KIAA0825: variants seen among roughly 807,000 people sequenced by gnomAD.
KIAA0825 encodes the protein KIAA0825.
A neutral mutation model predicts 147.6 loss-of-function variants in KIAA0825; 119 were observed. That is an observed-to-expected ratio of 0.81 (90% CI 0.69 to 0.94). The LOEUF (loss-of-function observed/expected upper bound fraction) is 0.94. KIAA0825 is among the 40% of genes least tolerant of loss of function. The pLI is 0.00. For missense variants in KIAA0825, 1,381 were observed against 1,472.7 expected (o/e 0.94, Z 1.02); for synonymous variants, 470 against 518.1 (o/e 0.91, Z 1.26).
At chr5:94,541,006 T>A (rs911827172) in intron 2 of KIAA0825, among the ~76,000 whole-genome samples, 1 of 152,204 alleles carries the variant, frequency 6.6e-6, no homozygotes, top group Non-Finnish European at 1.5e-5. Context: ...AAAAGAGAGA[T>A]GTTTAGGACA....
Position 94,477,122 on chromosome 5 carries a change from G to C in KIAA0825, c.1216C>G (p.Pro406Ala). ...TTTCCTTCACTTACCTCTTTTCCTG[G>C]TAGTGATTGCTCGGAAGGAATATTG... ...ETNIPSEQSL[P>A]GKEATLLDFG... Residue 406 changes from proline to alanine, a missense_variant, in exon 7 of 21, where the codon CCA (proline) becomes GCA (alanine). By Grantham distance (27) the Pro-to-Ala change is conservative. Coordinates refer to ENST00000682413, the MANE Select transcript of KIAA0825 (RefSeq NM_001145678.3). The C allele has an allele frequency of 6.5e-7, 1 of 1,549,536 alleles. No individual in the cohort carries two copies. The highest frequency in any genetic ancestry group is 8.7e-7 in the Non-Finnish European group (1 of 1,145,918).
chr5:94,268,083 AC>A (rs1776811950), intron 20 of KIAA0825, among the ~76,000 whole-genome samples: 1 of 152,162 alleles, frequency 6.6e-6, no homozygotes, highest in East Asian at 1.9e-4. Flanking sequence ...TGAAAAAAAA[AC>A]AGAAGCAAGA....
intron 20 of KIAA0825, among the ~76,000 whole-genome samples, chr5:94,346,817 G>C (rs984795298): frequency 6.6e-5 from 10 of 152,188 alleles, no homozygotes; most frequent in African/African-American, 2.4e-4. Context: ...CTCCTGGCCA[G>C]AACTTGGGGG....
chr5:94,583,310 C>T (rs1190696163), intron 1 of KIAA0825, among the ~76,000 whole-genome samples: 1 of 152,346 alleles, frequency 6.6e-6, no homozygotes, highest in African/African-American at 2.4e-5. Flanking sequence ...CCAAATACTG[C>T]ACTCTTCCCA....
intron 1 of KIAA0825, among the ~76,000 whole-genome samples, chr5:94,606,997 T>C (rs894257861): frequency 7.2e-5 from 11 of 152,174 alleles, no homozygotes; most frequent in African/African-American, 2.4e-4. Context: ...AAGCCATTCA[T>C]GAGGGACCTG....
At chr5:94,579,740 C>T (rs1023101125) in intron 2 of KIAA0825, among the ~76,000 whole-genome samples, 3 of 152,144 alleles carry the variant, frequency 2.0e-5, no homozygotes, top group African/African-American at 7.2e-5. Flanking sequence ...ATTTGAATAG[C>T]TTCCTCTGAA....
chr5:94,409,228 G>C (rs1436069516), intron 15 of KIAA0825, among the ~76,000 whole-genome samples: 1 of 152,122 alleles, frequency 6.6e-6, no homozygotes, highest in Non-Finnish European at 1.5e-5. Flanking sequence ...TTATAACTTT[G>C]AGGAAGAACT....
intron 20 of KIAA0825, among the ~76,000 whole-genome samples, chr5:94,270,317 A>G (rs1468145803): frequency 6.6e-6 from 1 of 152,142 alleles, no homozygotes; most frequent in Non-Finnish European, 1.5e-5. Context: ...CATTTTCAAT[A>G]AAAGTGCTAA....
At chr5:94,407,348 A>G (rs1028923210) in intron 15 of KIAA0825, among the ~76,000 whole-genome samples, 4 of 152,222 alleles carry the variant, frequency 2.6e-5, no homozygotes, top group African/African-American at 9.6e-5. Context: ...TCCTAGTTAT[A>G]TATCCAGAAG....
At chr5:94,587,608 T>C (rs1363064529) in intron 1 of KIAA0825, among the ~76,000 whole-genome samples, 1 of 152,072 alleles carries the variant, frequency 6.6e-6, no homozygotes, top group Non-Finnish European at 1.5e-5. Flanking sequence ...ATCGTGAAAA[T>C]GGCCATACTC....
chr5:94,354,260 G>A (rs1784012134), intron 20 of KIAA0825, among the ~76,000 whole-genome samples: 1 of 152,070 alleles, frequency 6.6e-6, no homozygotes, highest in Admixed American at 6.5e-5. Flanking sequence ...ACCATTAAGT[G>A]GGCCACAGAT....
At chr5:94,500,710 T>C (rs868700501) in intron 5 of KIAA0825, among the ~76,000 whole-genome samples, 1 of 152,180 alleles carries the variant, frequency 6.6e-6, no homozygotes, top group Non-Finnish European at 1.5e-5. Flanking sequence ...ACAGTGACTG[T>C]TGGAATCATC....
intron 20 of KIAA0825, among the ~76,000 whole-genome samples, chr5:94,346,488 A>G (rs981688036): frequency 4.6e-5 from 7 of 152,158 alleles, no homozygotes; most frequent in African/African-American, 1.4e-4. Context: ...GACATCCCCA[A>G]AACTGTGAGT....
chr5:94,471,645 T>C lies in KIAA0825; in HGVS notation c.1542A>G (p.Ala514=). 1 of 1,552,138 alleles carries C rather than the reference T, an allele frequency of 6.4e-7. No individual in the cohort carries two copies. Among genetic ancestry groups the C allele is most frequent in the Admixed American group, 2.0e-5 (1 of 51,008 alleles). The part of the protein sequence containing the change: ...CRDDSFQEIR[A]NLVEACCKVA... ...CTTTACAACAGGCCTCCACCAAGTT[T>C]GCTCTAATTTCCTGAAAAGAATCAT... The change falls in exon 9 of 21, where the codon GCA becomes GCG. Residue 514 remains alanine, a synonymous_variant. Coordinates refer to ENST00000682413, the MANE Select transcript of KIAA0825 (RefSeq NM_001145678.3).
chr5:94,408,990 T>C (rs980738657), intron 15 of KIAA0825, among the ~76,000 whole-genome samples: 1 of 152,178 alleles, frequency 6.6e-6, no homozygotes, highest in Non-Finnish European at 1.5e-5. Context: ...AAATAAGTTA[T>C]CCTCAAATGA....
chr5:94,295,431 C>T (rs780103550), intron 20 of KIAA0825, among the ~76,000 whole-genome samples: 2 of 152,056 alleles, frequency 1.3e-5, no homozygotes, highest in Non-Finnish European at 2.9e-5. Context: ...GTCAATTTGT[C>T]AAACTCATTC....
At chr5:94,190,219 AAAG>A (rs1770541778) in intron 20 of KIAA0825, among the ~76,000 whole-genome samples, 1 of 152,192 alleles carries the variant, frequency 6.6e-6, no homozygotes, top group Admixed American at 6.5e-5. Context: ...CGTCATTTGC[AAAG>A]AAGGACATCT....
At chr5:94,378,327 T>C (rs1357381753) in intron 20 of KIAA0825, among the ~76,000 whole-genome samples, 1 of 152,178 alleles carries the variant, frequency 6.6e-6, no homozygotes, top group Non-Finnish European at 1.5e-5. Flanking sequence ...CAGTATTTAG[T>C]TCCCACTTAC....
chr5:94,550,506 A>G (rs1003321446), intron 2 of KIAA0825, among the ~76,000 whole-genome samples: 1 of 152,188 alleles, frequency 6.6e-6, no homozygotes, highest in Admixed American at 6.5e-5. Flanking sequence ...GAAGAAATCA[A>G]CATAGGGACA....
Sources: allele counts gnomAD v4.1 joint callset (sites outside exome capture counted in the v4.1 genomes callset), GRCh38; gene constraint gnomAD v4.1.1; transcripts MANE v1.5; gene names NCBI Gene and HGNC (gene_info 2026-07-23, HGNC 2026-07-21).